WWOX: variants seen among roughly 807,000 people sequenced by gnomAD.
The protein encoded by WWOX is WW domain-containing oxidoreductase.
In WWOX, 69 loss-of-function variants were observed where a neutral mutation model predicts 46.2. That is an observed-to-expected ratio of 1.49 (90% confidence interval 1.23 to 1.82). The LOEUF (loss-of-function observed/expected upper bound fraction) is 1.82, where lower values mean the gene tolerates loss of function less well. Ranked by LOEUF, WWOX falls within the 40% of genes most tolerant of loss-of-function variation. The pLI, the probability that WWOX is intolerant of heterozygous loss-of-function variation, is 0.00. For missense variants in WWOX, 919 were observed against 542.6 expected, an observed-to-expected ratio of 1.69 and a Z score of -6.89; for synonymous variants, 359 against 202.6, an observed-to-expected ratio of 1.77 and a Z score of -6.56.
rs575115814 is a variant in WWOX at position 78,290,214 on chromosome 16, A to G, written c.517-96646A>G. Among the ~76,000 whole-genome samples, 224 of 152,224 alleles carry G rather than the reference A, an allele frequency of 1.5e-3. 1 individual carries two copies. Among genetic ancestry groups the G allele is most frequent in the South Asian group, 2.7e-3 (13 of 4,818 alleles). On this transcript the variant is annotated intron_variant, in intron 5 of 8. Transcript: ENST00000566780. ...GGTCAAACAAAACTCACTTGGCAAC[A>G]TTTACTTAGAGAGCACTCTGCGAGC...
chr16:78,732,492 C>T (rs1048805754), intron 8 of WWOX, among the ~76,000 whole-genome samples: 10 of 152,038 alleles, frequency 6.6e-5, no homozygotes, highest in Non-Finnish European at 1.3e-4. Flanking sequence ...GCTGACTGTC[C>T]CCTTTGTGCC....
intron 8 of WWOX, among the ~76,000 whole-genome samples, chr16:79,119,568 TG>T (rs2049586086): frequency 6.6e-6 from 1 of 152,220 alleles, no homozygotes; most frequent in African/African-American, 2.4e-5. Context: ...GGTTTTACAT[TG>T]AGAATCTCAT....
intron 8 of WWOX, among the ~76,000 whole-genome samples, chr16:79,108,683 C>T (rs2049357206): frequency 6.6e-6 from 1 of 152,168 alleles, no homozygotes. Context: ...AGGAGGATTG[C>T]TTGAGCCCAG....
intron 8 of WWOX, among the ~76,000 whole-genome samples, chr16:78,979,050 G>T (rs1239380793): frequency 8.6e-5 from 13 of 151,224 alleles, no homozygotes; most frequent in Admixed American, 7.9e-4. Flanking sequence ...TTTACGGCCA[G>T]GTCTCCTTCG....
chr16:78,312,381 CTT>C (rs561304972), intron 5 of WWOX, among the ~76,000 whole-genome samples: 1 of 132,816 alleles, frequency 7.5e-6, no homozygotes. Flanking sequence ...AGGTCTAATT[CTT>C]TTTTTTTTTT....
chr16:79,205,887 T>G (rs1030769251), intron 8 of WWOX: 4 of 152,186 alleles, frequency 2.6e-5, no homozygotes, highest in Non-Finnish European at 5.9e-5. Context: ...GCGTGGGAAC[T>G]GATAAGATGG....
intron 8 of WWOX, among the ~76,000 whole-genome samples, chr16:78,844,554 G>C (rs1169709011): frequency 1.3e-5 from 2 of 152,112 alleles, no homozygotes; most frequent in Non-Finnish European, 1.5e-5. Context: ...GAAATGATAG[G>C]TGTACAAAAG....
intron 5 of WWOX, among the ~76,000 whole-genome samples, chr16:78,300,681 T>G (rs1039844476): frequency 5.3e-5 from 8 of 152,206 alleles, no homozygotes; most frequent in African/African-American, 1.9e-4. Context: ...AGTAACCATT[T>G]TCAGCTATGC....
At chr16:78,901,872 G>A (rs1327822161) in intron 8 of WWOX, among the ~76,000 whole-genome samples, 1 of 152,154 alleles carries the variant, frequency 6.6e-6, no homozygotes, top group African/African-American at 2.4e-5. Flanking sequence ...AATTCACACG[G>A]GCCTCTCCTA....
At chr16:79,031,790 C>G (rs919542348) in intron 8 of WWOX, among the ~76,000 whole-genome samples, 1 of 133,008 alleles carries the variant, frequency 7.5e-6, no homozygotes, top group Admixed American at 8.3e-5. Context: ...GATATATAAT[C>G]TATATATAGA....
intron 8 of WWOX, among the ~76,000 whole-genome samples, chr16:78,617,558 C>A (rs1011616060): frequency 6.6e-6 from 1 of 152,190 alleles, no homozygotes; most frequent in African/African-American, 2.4e-5. Context: ...CCACGTCTTT[C>A]TCTGAGGACG....
chr16:79,154,855 C>G (rs138726282), intron 8 of WWOX, among the ~76,000 whole-genome samples: 195 of 152,230 alleles, frequency 1.3e-3, no homozygotes, highest in African/African-American at 4.5e-3. Flanking sequence ...AAACTTGATC[C>G]AAGGTTTAGG....
intron 8 of WWOX, among the ~76,000 whole-genome samples, chr16:78,632,417 C>A (rs948181178): frequency 6.6e-6 from 1 of 151,998 alleles, no homozygotes; most frequent in Admixed American, 6.6e-5. Flanking sequence ...TTTGGGCTTT[C>A]CTACTTAACG....
chr16:79,094,863 G>T (rs535483823), intron 8 of WWOX, among the ~76,000 whole-genome samples: 2 of 152,138 alleles, frequency 1.3e-5, no homozygotes, highest in Non-Finnish European at 2.9e-5. Context: ...GGTTTACACT[G>T]TGTCTACCCC....
chr16:78,730,401 A>G lies in WWOX; in HGVS notation c.1056+297649A>G, dbSNP rs377192141. Among the ~76,000 whole-genome samples the G allele has an allele frequency of 3.3e-5, 5 of 152,154 alleles. 1 individual carries two copies. The highest frequency in any genetic ancestry group is 1.2e-4 in the African/African-American group (5 of 41,528). Reference sequence around the variant, plus strand: ...GATGTACCAGGCACACTAGCTCTATAGGTAAGATATTTCCTAGGACTCATC... The same window carrying G: ...GATGTACCAGGCACACTAGCTCTATGGGTAAGATATTTCCTAGGACTCATC... On this transcript the variant is annotated intron_variant, in intron 8 of 8. Coordinates refer to ENST00000566780, the MANE Select transcript of WWOX (RefSeq NM_016373.4).
chr16:79,076,118 A>G (rs1460559280), intron 8 of WWOX, among the ~76,000 whole-genome samples: 1 of 152,246 alleles, frequency 6.6e-6, no homozygotes, highest in Non-Finnish European at 1.5e-5. Flanking sequence ...TTGTAAGAGT[A>G]AGACCAGCCT....
chr16:78,701,737 G>T (rs2048222310), intron 8 of WWOX, among the ~76,000 whole-genome samples: 1 of 151,988 alleles, frequency 6.6e-6, no homozygotes, highest in Non-Finnish European at 1.5e-5. Flanking sequence ...TGCAGTAGGG[G>T]TTCTTTGGGA....
intron 8 of WWOX, among the ~76,000 whole-genome samples, chr16:78,775,157 A>C (rs1368136689): frequency 6.6e-6 from 1 of 152,094 alleles, no homozygotes; most frequent in Non-Finnish European, 1.5e-5. Context: ...GAAATACCTC[A>C]ATTCCTTTTG....
chr16:78,386,362 T>C (rs893536774), intron 5 of WWOX, among the ~76,000 whole-genome samples: 1 of 152,182 alleles, frequency 6.6e-6, no homozygotes, highest in Non-Finnish European at 1.5e-5. Context: ...TCAGAATCCA[T>C]TGGTATAAAC....
Sources: gnomAD v4.1 joint callset for allele counts (sites outside exome capture counted in the v4.1 genomes callset) on GRCh38, gnomAD v4.1.1 for gene constraint, MANE v1.5 for transcripts, NCBI Gene and HGNC (gene_info 2026-07-23, HGNC 2026-07-21) for gene names.